Variants in TAF3 observed in about 807,000 individuals in gnomAD.
TAF3 encodes TATA-box binding protein associated factor 3, also known as transcription initiation factor TFIID subunit 3.
A neutral mutation model predicts 80.6 loss-of-function variants in TAF3; 7 were observed. The observed-to-expected ratio is 0.09, with a 90% confidence interval of 0.05 to 0.16. The LOEUF (loss-of-function observed/expected upper bound fraction) is 0.16, where lower values mean the gene tolerates loss of function less well. Among genes scored for constraint, TAF3 ranks in the 10% least tolerant of loss-of-function variants. The pLI, the probability that TAF3 is intolerant of heterozygous loss-of-function variation, is 1.00. For synonymous variants in TAF3, 444 were observed against 446.1 expected (o/e 1.00, Z 0.06); for missense variants, 921 against 1,140.2 (o/e 0.81, Z 2.77).
Position 7,977,298 on chromosome 10 carries a change from C to A in TAF3, c.2290C>A (p.Arg764=), listed in dbSNP as rs775636719. ...PSPVIPRLTL[R]VGAGQDKIVI... is the part of the protein sequence containing the mutation. The stretch of plus-strand genomic sequence containing the variant: ...TCCAGTTATCCCCAGATTAACTCTC[C>A]GAGTCGGTGCTGGCCAAGACAAGAT... The change falls in exon 4 of 7, where the codon CGA becomes AGA. Residue 764 remains arginine (R), a synonymous_variant. Coordinates refer to ENST00000344293, the MANE Select transcript of TAF3 (RefSeq NM_031923.4). 6.2e-7 allele frequency: 1 copy of A among 1,614,124 alleles called. No homozygotes were observed. Among genetic ancestry groups the A allele is most frequent in the South Asian group, 1.1e-5 (1 of 91,076 alleles).
At chr10:7,978,506 A>G (rs1178529021) in intron 4 of TAF3, among the ~76,000 whole-genome samples, 4 of 152,218 alleles carry the variant, frequency 2.6e-5, no homozygotes, top group African/African-American at 7.2e-5. Flanking sequence ...GATAATTTCC[A>G]CATTACTCTT....
intron 5 of TAF3, among the ~76,000 whole-genome samples, chr10:8,012,138 A>T (rs1475810088): frequency 2.6e-5 from 4 of 152,196 alleles, no homozygotes; most frequent in Admixed American, 6.5e-5. Context: ...TGATCACACC[A>T]CTGCACTCCA....
rs1832078263 is a variant in TAF3, at chr10:8,013,855, C to T, written c.2675+18C>T. The T allele has an allele frequency of 1.9e-6, 3 of 1,605,660 alleles. No homozygotes were observed. The highest frequency in any genetic ancestry group is 2.7e-5 in the African/African-American group (2 of 74,750). Reference sequence around the variant, plus strand: ...TACCACTGGTGAGTGCCCAGGGCGCCCTGCCGGCCACACTCATTAGGCAGC... The same window carrying T: ...TACCACTGGTGAGTGCCCAGGGCGCTCTGCCGGCCACACTCATTAGGCAGC... On this transcript the variant is annotated intron_variant, in intron 6 of 6. Transcript: ENST00000344293.
intron 2 of TAF3, among the ~76,000 whole-genome samples, chr10:7,848,192 TC>T (rs1226939226): frequency 1.3e-5 from 2 of 152,262 alleles, no homozygotes; most frequent in Non-Finnish European, 2.9e-5. Flanking sequence ...TAGCTATTCT[TC>T]CTGATATACT....
intron 2 of TAF3, among the ~76,000 whole-genome samples, chr10:7,883,996 T>G (rs1479561349): frequency 6.6e-6 from 1 of 152,096 alleles, no homozygotes. Flanking sequence ...GACCCTCGTC[T>G]TCTTAGAAAG....
intron 2 of TAF3, among the ~76,000 whole-genome samples, chr10:7,912,406 G>C (rs1837665016): frequency 6.6e-6 from 1 of 152,138 alleles, no homozygotes; most frequent in South Asian, 2.1e-4. Context: ...GGCCAAAAAT[G>C]ATAGTTTTTA....
intron 4 of TAF3, among the ~76,000 whole-genome samples, chr10:8,002,001 C>T (rs1042542339): frequency 2.0e-5 from 3 of 152,184 alleles, no homozygotes; most frequent in Admixed American, 1.3e-4. Context: ...AGGCCCCATC[C>T]GTCGATCCTG....
At chr10:7,901,398 C>T (rs538293127) in intron 2 of TAF3, among the ~76,000 whole-genome samples, 1 of 152,140 alleles carries the variant, frequency 6.6e-6, no homozygotes, top group East Asian at 1.9e-4. Context: ...AATTAATTAT[C>T]CAGTATGAAA....
chr10:7,827,557 G>A (rs532874958), intron 2 of TAF3, among the ~76,000 whole-genome samples: 4 of 152,066 alleles, frequency 2.6e-5, no homozygotes, highest in South Asian at 2.1e-4. Context: ...GGAGACGGGC[G>A]GATCACGAGG....
intron 4 of TAF3, among the ~76,000 whole-genome samples, chr10:7,994,900 A>G (rs1430954943): frequency 1.3e-5 from 2 of 148,164 alleles, no homozygotes; most frequent in Non-Finnish European, 3.0e-5. Context: ...ACTTGAACCC[A>G]GGAGGTGGAG....
intron 2 of TAF3, among the ~76,000 whole-genome samples, chr10:7,944,392 G>A (rs921709420): frequency 5.3e-5 from 8 of 152,072 alleles, no homozygotes; most frequent in African/African-American, 1.9e-4. Context: ...TAGTTAGTCA[G>A]TAAGACCATC....
intron 2 of TAF3, among the ~76,000 whole-genome samples, chr10:7,866,248 G>A (rs2131141260): frequency 6.6e-6 from 1 of 152,318 alleles, no homozygotes; most frequent in South Asian, 2.1e-4. Context: ...ACGGGGGATG[G>A]AGCAGTCAAT....
At chr10:7,929,445 A>G (rs1837846529) in intron 2 of TAF3, among the ~76,000 whole-genome samples, 1 of 152,120 alleles carries the variant, frequency 6.6e-6, no homozygotes, top group Non-Finnish European at 1.5e-5. Flanking sequence ...TTTGTCAACT[A>G]GGCTGGAGTG....
At chr10:7,881,932 C>T (rs1423717734) in intron 2 of TAF3, among the ~76,000 whole-genome samples, 1 of 152,188 alleles carries the variant, frequency 6.6e-6, no homozygotes, top group Non-Finnish European at 1.5e-5. Flanking sequence ...GGTGGACTTC[C>T]ACACTGGCTG....
intron 2 of TAF3, among the ~76,000 whole-genome samples, chr10:7,953,743 A>G (rs1232544564): frequency 1.3e-5 from 2 of 152,242 alleles, no homozygotes; most frequent in African/African-American, 2.4e-5. Flanking sequence ...TTAACACAGA[A>G]CTTTCCATAG....
At chr10:7,985,780 CTTTTTT>C (rs71477297) in intron 4 of TAF3, among the ~76,000 whole-genome samples, 1 of 107,952 alleles carries the variant, frequency 9.3e-6, no homozygotes, top group African/African-American at 3.4e-5. Context: ...TTCTCTCTCT[CTTTTTT>C]TTTTTTTTTT....
intron 2 of TAF3, among the ~76,000 whole-genome samples, chr10:7,867,609 C>G (rs79591297): frequency 0.011 from 1,632 of 152,322 alleles, 23 homozygotes; most frequent in African/African-American, 0.037. Context: ...CAGGTACTCA[C>G]TCATCCTGTA....
chr10:7,877,408 T>C (rs1427915700), intron 2 of TAF3, among the ~76,000 whole-genome samples: 1 of 152,194 alleles, frequency 6.6e-6, no homozygotes, highest in African/African-American at 2.4e-5. Context: ...AGTAGATACA[T>C]TTCTTAGCCC....
rs1398039276 is a variant in TAF3, at chr10:8,013,735, G to A, written c.2573G>A (p.Arg858Gln). Reference sequence around the variant, plus strand: ...CTTCCGCTTTGCAAACATCAGATCCGAGATGAGTGGGGCAATCAGATCTGG... The same window carrying A: ...CTTCCGCTTTGCAAACATCAGATCCAAGATGAGTGGGGCAATCAGATCTGG... ...VTETVSTYVI[R>Q]DEWGNQIWIC... Residue 858 changes from arginine to glutamine, a missense_variant, in exon 6 of 7, where the codon CGA becomes CAA. Coordinates refer to ENST00000344293, the MANE Select transcript of TAF3 (RefSeq NM_031923.4). The A allele has an allele frequency of 4.3e-6, 7 of 1,613,554 alleles. No homozygotes were observed. Among genetic ancestry groups the A allele is most frequent in the African/African-American group, 1.3e-5 (1 of 74,802 alleles).
Sources: allele counts gnomAD v4.1 joint callset (sites outside exome capture counted in the v4.1 genomes callset), GRCh38; gene constraint gnomAD v4.1.1; transcripts MANE v1.5; gene names NCBI Gene and HGNC (gene_info 2026-07-23, HGNC 2026-07-21).